The following PCDHGA1 variants were observed in gnomAD, a reference collection of about 807,000 sequenced individuals.
The protein encoded by PCDHGA1 is protocadherin gamma subfamily A, 1.
A neutral mutation model predicts 58.0 loss-of-function variants in PCDHGA1; 32 were observed. That is an observed-to-expected ratio of 0.55 (90% CI 0.42 to 0.74). The LOEUF is 0.74. Ranked by LOEUF, PCDHGA1 falls within the 30% of genes least tolerant of loss-of-function variation. The probability of loss-of-function intolerance (pLI) is 0.00; values close to 1 mark genes in which losing one functional copy is unlikely to be tolerated. For synonymous variants in PCDHGA1, 498 were observed against 501.1 expected, an observed-to-expected ratio of 0.99 and a Z score of 0.08; for missense variants, 1,205 against 1,182.3, an observed-to-expected ratio of 1.02 and a Z score of -0.28.
At chr5:141,384,295 C>G in intron 1 of PCDHGA1, 2 of 1,613,828 alleles carry the variant, frequency 1.2e-6, no homozygotes, top group South Asian at 2.2e-5. Context: ...TGAGAACAAC[C>G]CCAGAGGGGC....
chr5:141,394,701 C>G lies in PCDHGA1; in HGVS notation c.2421+61596C>G, dbSNP rs375281416. 1.9e-6 allele frequency: 3 copies of G among 1,613,162 alleles called. No homozygotes were observed. Among genetic ancestry groups the G allele is most frequent in the Non-Finnish European group, 2.5e-6 (3 of 1,179,880 alleles). ...GCACACGGGCGAGGTGCGCACGGCG[C>G]GAGCCCTGCTGGACAGAGATGCGCT... is the stretch of plus-strand genomic sequence containing the variant. On this transcript the variant is annotated intron_variant, in intron 1 of 3. Transcript: ENST00000517417.
At chr5:141,351,377 G>A (rs766622647) in intron 1 of PCDHGA1, 10 of 1,612,344 alleles carry the variant, frequency 6.2e-6, no homozygotes, top group Non-Finnish European at 8.5e-6. Flanking sequence ...CAAGGATTCT[G>A]GGCAAAATGG....
rs763259233 is a variant in PCDHGA1, at chr5:141,331,603, C to G, written c.919C>G (p.Leu307Val). ...YTGEISNKEP[L>V]DFEEYKMYSM... ...AGGAGAAATATCAAATAAAGAACCA[C>G]TAGATTTCGAAGAATACAAAATGTA... Residue 307 changes from leucine (L) to valine (V), a missense_variant, in exon 1 of 4, where the codon CTA becomes GTA. Leu to Val is a conservative substitution (Grantham distance 32, BLOSUM62 1). Transcript: ENST00000517417. The G allele has an allele frequency of 1.9e-6, 3 of 1,613,978 alleles. No homozygotes were observed. Among genetic ancestry groups the G allele is most frequent in the African/African-American group, 2.7e-5 (2 of 74,902 alleles).
intron 1 of PCDHGA1, chr5:141,372,843 T>C (rs1344316065): frequency 6.6e-7 from 1 of 1,510,382 alleles, no homozygotes; most frequent in East Asian, 2.3e-5. Flanking sequence ...TCCATAAATA[T>C]AATTGGGTTT....
intron 1 of PCDHGA1, among the ~76,000 whole-genome samples, chr5:141,452,145 C>T (rs1414317332): frequency 6.6e-6 from 1 of 152,020 alleles, no homozygotes; most frequent in Non-Finnish European, 1.5e-5. Flanking sequence ...GTGTTTTTTC[C>T]AATGAGTTAT....
At chr5:141,394,733 G>A (rs1353984219) in intron 1 of PCDHGA1, 1 of 1,613,324 alleles carries the variant, frequency 6.2e-7, no homozygotes, top group South Asian at 1.1e-5. Flanking sequence ...CGCTCAAGCA[G>A]AGCCTCGTGG....
intron 2 of PCDHGA1, among the ~76,000 whole-genome samples, chr5:141,498,971 G>GGGAAGGAAGGAAGGAAGGAAGGAAGGAA (rs201769957): frequency 9.0e-6 from 1 of 110,972 alleles, no homozygotes; most frequent in Non-Finnish European, 1.8e-5. Flanking sequence ...GAGGGAGGGA[G>GGGAAGGAAGGAAGGAAGGAAGGAAGGAA]GGAAGGAAGG....
rs934206266 is a variant in PCDHGA1, at chr5:141,483,131, G to A, written c.2422-11676G>A. Among the ~76,000 whole-genome samples, 14 of 152,274 alleles carry A rather than the reference G, an allele frequency of 9.2e-5. No individual in the cohort carries two copies. The South Asian group carries it at 2.9e-3, about 32-fold the overall frequency. On this transcript the variant is annotated intron_variant, in intron 1 of 3. Transcript: ENST00000517417. ...AACAGACAGTCTTTGTAGGAGATGA[G>A]GTGAAGCAAGTAGGCAGGAGTTAGA...
chr5:141,427,528 A>G (rs1360860476), intron 1 of PCDHGA1: 1 of 617,748 alleles, frequency 1.6e-6, no homozygotes, highest in Non-Finnish European at 3.0e-6. Context: ...CGGATCCCGG[A>G]GTACAACGTC....
chr5:141,388,341 A>G, intron 1 of PCDHGA1: 1 of 1,614,036 alleles, frequency 6.2e-7, no homozygotes, highest in Non-Finnish European at 8.5e-7. Flanking sequence ...CACACGATTT[A>G]TATTAGGATC....
intron 3 of PCDHGA1, among the ~76,000 whole-genome samples, chr5:141,506,861 G>A (rs2099856791): frequency 6.6e-6 from 1 of 152,178 alleles, no homozygotes; most frequent in African/African-American, 2.4e-5. Context: ...TGGAGGACTG[G>A]TGGGTAGAGA....
chr5:141,461,902 C>A (rs1477274695), intron 1 of PCDHGA1, among the ~76,000 whole-genome samples: 1 of 152,116 alleles, frequency 6.6e-6, no homozygotes, highest in African/African-American at 2.4e-5. Flanking sequence ...CGGCTCACTG[C>A]AACCTCTGCC....
intron 1 of PCDHGA1, among the ~76,000 whole-genome samples, chr5:141,446,482 C>CT (rs112180482): frequency 6.3e-4 from 92 of 147,004 alleles, no homozygotes; most frequent in East Asian, 4.0e-3. Context: ...GGTCATCATT[C>CT]TTTTTTTTTT....
At chr5:141,423,006 T>G (rs746057587) in intron 1 of PCDHGA1, 12 of 1,614,078 alleles carry the variant, frequency 7.4e-6, no homozygotes, top group African/African-American at 1.3e-5. Context: ...CCAAGGTGGT[T>G]GCGGTGGACA....
At chr5:141,464,430 T>C (rs1213919443) in intron 1 of PCDHGA1, among the ~76,000 whole-genome samples, 1 of 151,680 alleles carries the variant, frequency 6.6e-6, no homozygotes, top group Non-Finnish European at 1.5e-5. Flanking sequence ...TATATAGATA[T>C]ATATGTTTGT....
intron 1 of PCDHGA1, among the ~76,000 whole-genome samples, chr5:141,379,925 A>T (rs1776079128): frequency 2.1e-5 from 1 of 48,106 alleles, no homozygotes; most frequent in East Asian, 5.2e-4. Context: ...TTTTTGTCAG[A>T]GTCTTGCTCT....
At chr5:141,375,038 G>T in intron 1 of PCDHGA1, 1 of 1,614,038 alleles carries the variant, frequency 6.2e-7, no homozygotes, top group Non-Finnish European at 8.5e-7. Context: ...TGAGCTGGGT[G>T]TTGAAGCCCG....
intron 1 of PCDHGA1, among the ~76,000 whole-genome samples, chr5:141,430,360 T>C (rs570966246): frequency 1.8e-4 from 27 of 151,522 alleles, no homozygotes; most frequent in Middle Eastern, 3.4e-3. Flanking sequence ...TAAAAGCTCA[T>C]TGGGGAAAAA....
In PCDHGA1 at chr5:141,365,839, C is replaced by A. The variant is rs1212060265; in HGVS notation, c.2421+32734C>A. ...CATTTCAGGGGGCGCCCTTGTCCTC[C>A]TATGTATCCATTAACTCTGACACCG... On this transcript the variant is annotated intron_variant, in intron 1 of 3. Transcript: ENST00000517417. The A allele has an allele frequency of 1.9e-6, 3 of 1,613,840 alleles. No homozygotes were observed. The African/African-American group carries it at 4.0e-5, about 22-fold the overall frequency.
Sources: allele counts gnomAD v4.1 joint callset (sites outside exome capture counted in the v4.1 genomes callset), GRCh38; gene constraint gnomAD v4.1.1; transcripts MANE v1.5; gene names NCBI Gene and HGNC (gene_info 2026-07-23, HGNC 2026-07-21).